Variants in TMEM131 observed in about 807,000 individuals in gnomAD.
TMEM131 encodes 2610524E03Rik.
A neutral mutation model predicts 211.6 loss-of-function variants in TMEM131; 66 were observed. That is an observed-to-expected ratio of 0.31 (90% CI 0.26 to 0.38). The LOEUF is 0.38. TMEM131 is among the 10% of genes least tolerant of loss of function. The pLI, the probability that TMEM131 is intolerant of heterozygous loss-of-function variation, is 1.00. For synonymous variants in TMEM131, 844 were observed against 841.3 expected, an observed-to-expected ratio of 1.00 and a Z score of -0.06; for missense variants, 2,036 against 2,299.3, an observed-to-expected ratio of 0.89 and a Z score of 2.34.
intron 2 of TMEM131, chr2:97,911,808 T>C (rs575446228): frequency 8.0e-6 from 2 of 250,564 alleles, no homozygotes; most frequent in Admixed American, 6.5e-5. Context: ...TTAAGTGTTA[T>C]GAGAATAAGG....
At chr2:97,969,064 G>A (rs1679182214) in intron 1 of TMEM131, among the ~76,000 whole-genome samples, 1 of 147,110 alleles carries the variant, frequency 6.8e-6, no homozygotes, top group Non-Finnish European at 1.5e-5. Context: ...TTGAGTATGG[G>A]TGACAGAGAC....
In TMEM131 at chr2:97,798,021, A is replaced by G. The variant is rs777252159; in HGVS notation, c.2719-505T>C. Among the ~76,000 whole-genome samples, 114 of 152,332 alleles carry G rather than the reference A, an allele frequency of 7.5e-4. 2 individuals carry two copies. Among genetic ancestry groups the G allele is most frequent in the Middle Eastern group, 3.4e-3 (1 of 294 alleles). ...ACGCCACTCCTCCCCTCTGAAGGGG[A>G]CCAGCTGAAGGGTCTTCAGGCTGCA... On this transcript the variant is annotated intron_variant, in intron 25 of 40. Coordinates refer to ENST00000186436, the MANE Select transcript of TMEM131 (RefSeq NM_015348.2).
intron 3 of TMEM131, among the ~76,000 whole-genome samples, chr2:97,905,179 G>A (rs1448774322): frequency 6.6e-6 from 1 of 152,050 alleles, no homozygotes. Flanking sequence ...AGTTTTGTCT[G>A]AAAATGTCTT....
At chr2:97,879,346 C>T (rs1192437500) in intron 4 of TMEM131, among the ~76,000 whole-genome samples, 1 of 152,214 alleles carries the variant, frequency 6.6e-6, no homozygotes, top group Non-Finnish European at 1.5e-5. Context: ...CCAGCTGCAT[C>T]TCTGACTTTC....
chr2:97,993,645 C>T (rs1238858895), intron 1 of TMEM131, among the ~76,000 whole-genome samples: 4 of 152,190 alleles, frequency 2.6e-5, no homozygotes, highest in Admixed American at 6.5e-5. Flanking sequence ...ATATCTGATT[C>T]ACCCAGGCCA....
At chr2:97,865,130 A>G (rs1674220996) in intron 4 of TMEM131, among the ~76,000 whole-genome samples, 1 of 152,258 alleles carries the variant, frequency 6.6e-6, no homozygotes, top group Admixed American at 6.5e-5. Flanking sequence ...CTCCTTTTAA[A>G]TTCACAAGAA....
chr2:97,935,177 A>C (rs1267074936), intron 1 of TMEM131, among the ~76,000 whole-genome samples: 1 of 152,218 alleles, frequency 6.6e-6, no homozygotes, highest in East Asian at 1.9e-4. Flanking sequence ...GAAAAGAACA[A>C]TCCAATAAGC....
chr2:97,933,078 T>C (rs1431586773), intron 1 of TMEM131, among the ~76,000 whole-genome samples: 1 of 152,234 alleles, frequency 6.6e-6, no homozygotes, highest in Non-Finnish European at 1.5e-5. Context: ...CTGTATCATA[T>C]ACCTTAGGTA....
rs574504081 is a variant in TMEM131 at position 97,788,211 on chromosome 2, G to C, written c.4144+4175C>G. Among the ~76,000 whole-genome samples the C allele has an allele frequency of 3.1e-3, 479 of 152,302 alleles. 1 individual carries two copies. Among genetic ancestry groups the C allele is most frequent in the Middle Eastern group, 0.01 (3 of 294 alleles). On this transcript the variant is annotated intron_variant, in intron 31 of 40. Coordinates refer to ENST00000186436, the MANE Select transcript of TMEM131 (RefSeq NM_015348.2). Reference sequence around the variant, plus strand: ...GGCTGCAGGGTACAAGTGAGAAAGTGACACAAACCTGAGGCAGTGCCTCAG... The same window carrying C: ...GGCTGCAGGGTACAAGTGAGAAAGTCACACAAACCTGAGGCAGTGCCTCAG...
At chr2:97,946,298 T>C (rs970852436) in intron 1 of TMEM131, among the ~76,000 whole-genome samples, 2 of 151,272 alleles carry the variant, frequency 1.3e-5, no homozygotes, top group East Asian at 1.9e-4. Flanking sequence ...AAGCAGAAAA[T>C]AGAGAAAAAT....
Position 97,777,014 on chromosome 2 carries a change from G to A in TMEM131, c.4145-996C>T, listed in dbSNP as rs1034391649. 5.9e-5 allele frequency among the ~76,000 whole-genome samples: 9 copies of A among 152,322 alleles called. No homozygotes were observed. The South Asian group carries it at 1.9e-3, about 32-fold the overall frequency. On this transcript the variant is annotated intron_variant, in intron 31 of 40. Coordinates refer to ENST00000186436, the MANE Select transcript of TMEM131 (RefSeq NM_015348.2). ...AAAGCCAACTACTTGGAAAAATCTG[G>A]ATGCTATCAAGACAAATGAGAACCA...
chr2:97,922,976 G>A (rs1336747636), intron 2 of TMEM131, among the ~76,000 whole-genome samples: 1 of 152,194 alleles, frequency 6.6e-6, no homozygotes, highest in African/African-American at 2.4e-5. Flanking sequence ...CTAATTAAGT[G>A]GTTAGAATTC....
At chr2:97,904,843 T>C (rs985004920) in intron 3 of TMEM131, among the ~76,000 whole-genome samples, 1 of 151,970 alleles carries the variant, frequency 6.6e-6, no homozygotes, top group Non-Finnish European at 1.5e-5. Context: ...GCTTATTTCA[T>C]ATTACCACAG....
chr2:97,831,937 G>T (rs1573430621), intron 11 of TMEM131, among the ~76,000 whole-genome samples: 1 of 136,726 alleles, frequency 7.3e-6, no homozygotes, highest in African/African-American at 2.8e-5. Flanking sequence ...AAAGTGCTGG[G>T]ATTACAGGCG....
rs61753872 is a variant in TMEM131, at chr2:97,797,415, T to C, written c.2820A>G (p.Val940=). ...TTCTGTTGTGAACTGGAGTAAACTT[T>C]ACTTTGACAGATTTCTTTTCTCCAG... ...LKPGEKKSVK[V]KFTPVHNRTV... Residue 940 remains valine, a synonymous_variant, in exon 26 of 41, where the codon GTA becomes GTG. Coordinates refer to ENST00000186436, the MANE Select transcript of TMEM131 (RefSeq NM_015348.2). The C allele has an allele frequency of 1.2e-6, 2 of 1,612,742 alleles. No individual in the cohort carries two copies. Among genetic ancestry groups the C allele is most frequent in the South Asian group, 1.1e-5 (1 of 90,996 alleles).
intron 1 of TMEM131, among the ~76,000 whole-genome samples, chr2:97,947,385 T>C (rs1046299373): frequency 1.3e-5 from 2 of 152,006 alleles, no homozygotes; most frequent in Non-Finnish European, 2.9e-5. Context: ...ATACAGGATA[T>C]AGGAAAGTAG....
intron 3 of TMEM131, among the ~76,000 whole-genome samples, chr2:97,902,401 G>C (rs1019855506): frequency 6.6e-6 from 1 of 152,078 alleles, no homozygotes; most frequent in African/African-American, 2.4e-5. Flanking sequence ...CAGATAACTG[G>C]AGCCAGATTT....
intron 1 of TMEM131, among the ~76,000 whole-genome samples, chr2:97,953,977 C>A (rs995711190): frequency 6.6e-6 from 1 of 151,904 alleles, no homozygotes; most frequent in South Asian, 2.1e-4. Flanking sequence ...AATACATATA[C>A]GTAAATAAAA....
At chr2:97,799,229 T>C (rs917265546) in intron 25 of TMEM131, among the ~76,000 whole-genome samples, 2 of 152,132 alleles carry the variant, frequency 1.3e-5, no homozygotes, top group Non-Finnish European at 2.9e-5. Context: ...TATCAAACTT[T>C]CCTAGCAGCC....
Sources: allele counts gnomAD v4.1 joint callset (sites outside exome capture counted in the v4.1 genomes callset), GRCh38; gene constraint gnomAD v4.1.1; transcripts MANE v1.5; gene names NCBI Gene and HGNC (gene_info 2026-07-23, HGNC 2026-07-21).